Variants in MYCBP2 observed in about 807,000 individuals in gnomAD.
MYCBP2 encodes MYC binding protein 2.
Under a neutral mutation model 525.3 loss-of-function variants are expected in MYCBP2, and 120 were observed. That is an observed-to-expected ratio of 0.23 (90% CI 0.20 to 0.27). MYCBP2 has a LOEUF of 0.27. Ranked by LOEUF, MYCBP2 falls within the 10% of genes least tolerant of loss-of-function variation. The pLI is 1.00. For missense variants in MYCBP2, 4,149 were observed against 5,657.1 expected (o/e 0.73, Z 8.55); for synonymous variants, 1,894 against 1,955.8 (o/e 0.97, Z 0.83).
Position 77,276,771 on chromosome 13 carries a change from G to A in MYCBP2, c.748+1987C>T, listed in dbSNP as rs552962710. ...AGCCTCAGACTCCTGGGCTCGAGCG[G>A]TCCTCCCACCTTAGCCTCTTGAGTA... On this transcript the variant is annotated intron_variant, in intron 4 of 82. Coordinates refer to ENST00000544440, the MANE Select transcript of MYCBP2 (RefSeq NM_015057.5). Among the ~76,000 whole-genome samples, 20 of 150,088 alleles carry A rather than the reference G, an allele frequency of 1.3e-4. No individual in the cohort carries two copies. The South Asian group carries it at 2.9e-3, about 22-fold the overall frequency.
chr13:77,215,409 C>A (rs2064681670), intron 21 of MYCBP2, among the ~76,000 whole-genome samples: 1 of 152,000 alleles, frequency 6.6e-6, no homozygotes, highest in African/African-American at 2.4e-5. Context: ...TGAACTTGTA[C>A]AGGCAAAGCA....
rs144400361 is a variant in MYCBP2 at position 77,068,717 on chromosome 13, C to T, written c.12019G>A (p.Ala4007Thr). 15 of 1,614,036 alleles carry T rather than the reference C, an allele frequency of 9.3e-6. No homozygotes were observed. The African/African-American group carries it at 1.7e-4, about 19-fold the overall frequency. The change falls in exon 70 of 83, where the codon GCC becomes ACC. Residue 4007 changes from alanine (A) to threonine (T), a missense_variant. Physicochemically the swap from Ala to Thr is moderately conservative, Grantham distance 58. This residue lies in a region of MYCBP2 where 64 missense variants were observed against 131.2 expected (regional missense o/e 0.49). Transcript: ENST00000544440. ...TCAAAGCAGTAGGCATCAGAGGAGG[C>T]ATCTTCATCATTTGGCTGAGAATTG... ...NANSQPNDED[A>T]SSDAYCFELL...
At chr13:77,087,366 AT>A in intron 62 of MYCBP2, 117 bp downstream of exon 62, 2 of 905,056 alleles carry the variant, frequency 2.2e-6, no homozygotes, top group Non-Finnish European at 3.3e-6. Context: ...GCACTAAAAT[AT>A]TCTTTTTGCT....
chr13:77,098,684 G>C lies in MYCBP2; in HGVS notation c.8470C>G (p.Pro2824Ala). 6.2e-7 allele frequency: 1 copy of C among 1,613,516 alleles called. No homozygotes were observed. The highest frequency in any genetic ancestry group is 8.5e-7 in the Non-Finnish European group (1 of 1,179,758). The stretch of plus-strand genomic sequence containing the variant: ...GACCTATTGGCTGGGAGAGTCTTTG[G>C]CTTAGGAGATGACAACCGAGAACCT... Reference protein sequence around the residue: ...GPGSRLSSPKPKTLPANRSSP... With the variant: ...GPGSRLSSPKAKTLPANRSSP... The change falls in exon 56 of 83, where the codon CCA becomes GCA. Residue 2824 changes from proline (P) to alanine (A), a missense_variant. Around this residue, in one of 21 missense-constraint regions of MYCBP2, gnomAD observed 653 missense variants for 744.7 expected, o/e 0.88. Coordinates refer to ENST00000544440, the MANE Select transcript of MYCBP2 (RefSeq NM_015057.5).
chr13:77,222,298 TC>T (rs2065698649), intron 20 of MYCBP2, among the ~76,000 whole-genome samples: 2 of 152,338 alleles, frequency 1.3e-5, no homozygotes, highest in South Asian at 4.1e-4. Flanking sequence ...GCCAAACACA[TC>T]TTTTGCTCTT....
At chr13:77,196,841 G>C (rs758379795) in intron 26 of MYCBP2, among the ~76,000 whole-genome samples, 15 of 152,184 alleles carry the variant, frequency 9.9e-5, no homozygotes, top group Non-Finnish European at 1.9e-4. Context: ...CAGAGAAGAG[G>C]TTTATAAATT....
At chr13:77,294,107 T>TATATATATATATATATATATAC (rs1204100319) in intron 2 of MYCBP2, among the ~76,000 whole-genome samples, 59 of 43,900 alleles carry the variant, frequency 1.3e-3, no homozygotes, top group East Asian at 4.1e-3. Context: ...ATAATGGCTA[T>TATATATATATATATATATATAC]ATATATATAT....
intron 68 of MYCBP2, among the ~76,000 whole-genome samples, chr13:77,071,360 G>A (rs572292810): frequency 6.6e-6 from 1 of 150,824 alleles, no homozygotes; most frequent in East Asian, 2.0e-4. Flanking sequence ...GTAATATTTT[G>A]CCTACTTTAC....
At chr13:77,301,524 T>C (rs1346078456) in intron 1 of MYCBP2, among the ~76,000 whole-genome samples, 2 of 151,634 alleles carry the variant, frequency 1.3e-5, no homozygotes, top group Non-Finnish European at 2.9e-5. Flanking sequence ...GCGGTCTATG[T>C]AATCCCTCAC....
intron 58 of MYCBP2, among the ~76,000 whole-genome samples, chr13:77,094,677 GCTTT>G (rs1159259444): frequency 2.0e-5 from 3 of 152,062 alleles, no homozygotes; most frequent in African/African-American, 7.2e-5. Flanking sequence ...TCCAAGAGTC[GCTTT>G]CTTCCTGTCG....
chr13:77,276,343 T>C (rs930261842), intron 4 of MYCBP2, among the ~76,000 whole-genome samples: 1 of 150,118 alleles, frequency 6.7e-6, no homozygotes, highest in Non-Finnish European at 1.5e-5. Context: ...AACAACCGAA[T>C]GGGAAAAAAA....
In MYCBP2 at chr13:77,234,471, G is replaced by A. The variant is rs1018081032; in HGVS notation, c.2630-1208C>T. ...AAAGTACCCTTCATTAAATGTACAA[G>A]TGGGTAAAGGAACCATATTTCAATT... On this transcript the variant is annotated intron_variant, in intron 17 of 82. Coordinates refer to ENST00000544440, the MANE Select transcript of MYCBP2 (RefSeq NM_015057.5). Among the ~76,000 whole-genome samples, 7 of 151,892 alleles carry A rather than the reference G, an allele frequency of 4.6e-5. 1 individual carries two copies. The highest frequency in any genetic ancestry group is 1.7e-4 in the African/African-American group (7 of 41,410).
At chr13:77,050,353 T>C (rs1263336605) in intron 82 of MYCBP2, among the ~76,000 whole-genome samples, 1 of 152,204 alleles carries the variant, frequency 6.6e-6, no homozygotes, top group African/African-American at 2.4e-5. Context: ...ATATATCTTA[T>C]GTAAAATTCT....
At chr13:77,278,962 ACTTT>A in intron 3 of MYCBP2, 51 bp from the exon 4 acceptor site, 2 of 1,356,422 alleles carry the variant, frequency 1.5e-6, no homozygotes, top group Admixed American at 5.0e-5. Flanking sequence ...AGCTAGTAAC[ACTTT>A]CTAAGCAGTT....
chr13:77,272,066 G>C (rs1294615935), intron 5 of MYCBP2, among the ~76,000 whole-genome samples: 1 of 152,210 alleles, frequency 6.6e-6, no homozygotes, highest in African/African-American at 2.4e-5. Context: ...GTGTTGTCTA[G>C]TGATTGAGCA....
intron 23 of MYCBP2, among the ~76,000 whole-genome samples, chr13:77,207,614 C>A (rs1160069127): frequency 1.3e-5 from 2 of 151,982 alleles, no homozygotes; most frequent in Non-Finnish European, 2.9e-5. Flanking sequence ...TTTTTTACCA[C>A]AATTAAAAAA....
chr13:77,164,234 G>A (rs746888984), intron 43 of MYCBP2, among the ~76,000 whole-genome samples: 8 of 152,064 alleles, frequency 5.3e-5, no homozygotes, highest in Non-Finnish European at 1.2e-4. Flanking sequence ...GCATGTATAT[G>A]CATAAAAAGG....
intron 1 of MYCBP2, among the ~76,000 whole-genome samples, chr13:77,313,515 C>G (rs2080528796): frequency 6.6e-6 from 1 of 151,814 alleles, no homozygotes; most frequent in African/African-American, 2.4e-5. Flanking sequence ...ATGTAAAATG[C>G]AAAACTATAA....
At chr13:77,296,052 T>C (rs1156472024) in intron 2 of MYCBP2, among the ~76,000 whole-genome samples, 1 of 152,102 alleles carries the variant, frequency 6.6e-6, no homozygotes, top group Non-Finnish European at 1.5e-5. Flanking sequence ...AAAGGACTGA[T>C]CAAAGATAAT....
Sources: allele counts gnomAD v4.1 joint callset (sites outside exome capture counted in the v4.1 genomes callset), GRCh38; gene constraint gnomAD v4.1.1; regional missense constraint gnomAD v4.1.1; transcripts MANE v1.5; gene names NCBI Gene and HGNC (gene_info 2026-07-23, HGNC 2026-07-21).